Variants in DOK6 observed in about 807,000 individuals in gnomAD.
The protein encoded by DOK6 is downstream of tyrosine kinase 6.
In DOK6, 22 loss-of-function variants were observed where a neutral mutation model predicts 44.0. That is an observed-to-expected ratio of 0.50 (90% CI 0.36 to 0.71). The LOEUF (loss-of-function observed/expected upper bound fraction) is 0.71. Ranked by LOEUF, DOK6 falls within the 30% of genes least tolerant of loss-of-function variation. DOK6 has a pLI of 0.00. For synonymous variants in DOK6, 166 were observed against 145.5 expected, an observed-to-expected ratio of 1.14 and a Z score of -1.01; for missense variants, 340 against 416.4, an observed-to-expected ratio of 0.82 and a Z score of 1.60.
intron 1 of DOK6, among the ~76,000 whole-genome samples, chr18:69,520,117 T>TA (rs1401171799): frequency 2.6e-5 from 4 of 151,814 alleles, no homozygotes. Context: ...TAAGTCACCA[T>TA]AAAAAACTTG....
chr18:69,736,198 T>C (rs932999509), intron 5 of DOK6, among the ~76,000 whole-genome samples: 6 of 152,182 alleles, frequency 3.9e-5, no homozygotes, highest in African/African-American at 1.4e-4. Context: ...TAGGTTATAG[T>C]AGCTACTTGA....
intron 1 of DOK6, among the ~76,000 whole-genome samples, chr18:69,470,307 C>T (rs556409462): frequency 6.6e-6 from 1 of 152,244 alleles, no homozygotes; most frequent in African/African-American, 2.4e-5. Flanking sequence ...CCCAGCCTCA[C>T]GTGACTCTGG....
intron 1 of DOK6, among the ~76,000 whole-genome samples, chr18:69,484,476 G>A (rs569297150): frequency 2.0e-5 from 3 of 152,046 alleles, no homozygotes; most frequent in South Asian, 4.1e-4. Flanking sequence ...TTTTGTATTT[G>A]TTCAATGAAT....
intron 2 of DOK6, among the ~76,000 whole-genome samples, chr18:69,564,876 T>G (rs1242268787): frequency 6.6e-6 from 1 of 152,222 alleles, no homozygotes; most frequent in African/African-American, 2.4e-5. Context: ...GTAGGTATTT[T>G]CTCTCTATTG....
At chr18:69,607,794 C>T (rs1021178771) in intron 3 of DOK6, among the ~76,000 whole-genome samples, 10 of 152,106 alleles carry the variant, frequency 6.6e-5, no homozygotes, top group African/African-American at 1.9e-4. Flanking sequence ...ACAACTGATA[C>T]ATCTGAGCCT....
intron 3 of DOK6, among the ~76,000 whole-genome samples, chr18:69,624,943 A>G (rs1984523331): frequency 6.6e-6 from 1 of 152,122 alleles, no homozygotes; most frequent in Admixed American, 6.5e-5. Context: ...GTTCCTGTAC[A>G]TCCCACTCTA....
chr18:69,727,497 AC>A (rs1978315988), intron 5 of DOK6, among the ~76,000 whole-genome samples: 1 of 152,150 alleles, frequency 6.6e-6, no homozygotes, highest in African/African-American at 2.4e-5. Flanking sequence ...TTCACTCCAT[AC>A]CCCCAAGTGA....
intron 1 of DOK6, among the ~76,000 whole-genome samples, chr18:69,481,109 T>A (rs1390599001): frequency 6.6e-6 from 1 of 152,160 alleles, no homozygotes; most frequent in Non-Finnish European, 1.5e-5. Context: ...GTCAGGCACT[T>A]GGAAGAGAAG....
intron 1 of DOK6, among the ~76,000 whole-genome samples, chr18:69,478,987 T>C (rs1980345005): frequency 6.6e-6 from 1 of 152,200 alleles, no homozygotes; most frequent in Non-Finnish European, 1.5e-5. Context: ...AATTAAGACA[T>C]TTTCAGTATA....
chr18:69,430,777 A>G (rs1978783810), intron 1 of DOK6, among the ~76,000 whole-genome samples: 1 of 152,048 alleles, frequency 6.6e-6, no homozygotes, highest in Non-Finnish European at 1.5e-5. Flanking sequence ...GACCGGCCTG[A>G]TTAACATGGT....
chr18:69,610,357 T>C (rs1599220416), intron 3 of DOK6, among the ~76,000 whole-genome samples: 1 of 152,218 alleles, frequency 6.6e-6, no homozygotes, highest in East Asian at 1.9e-4. Context: ...TCCTTGGGAA[T>C]ATATCTCATA....
intron 1 of DOK6, among the ~76,000 whole-genome samples, chr18:69,420,283 A>G (rs545682023): frequency 3.6e-4 from 55 of 152,158 alleles, no homozygotes; most frequent in African/African-American, 1.2e-3. Flanking sequence ...TTCTTTATGT[A>G]TATATTTGTC....
intron 6 of DOK6, among the ~76,000 whole-genome samples, chr18:69,754,197 G>A (rs979771296): frequency 6.6e-6 from 1 of 151,748 alleles, no homozygotes; most frequent in Non-Finnish European, 1.5e-5. Context: ...TGTCCTCTTT[G>A]TTGAAGCCTG....
At chr18:69,729,576 A>C (rs1411719418) in intron 5 of DOK6, among the ~76,000 whole-genome samples, 2 of 152,184 alleles carry the variant, frequency 1.3e-5, no homozygotes, top group Non-Finnish European at 2.9e-5. Context: ...TTCCATTCCC[A>C]AAATGAGGTA....
intron 7 of DOK6, among the ~76,000 whole-genome samples, chr18:69,817,793 C>T (rs1024914641): frequency 6.6e-6 from 1 of 152,092 alleles, no homozygotes; most frequent in African/African-American, 2.4e-5. Context: ...GGAGTGTAGT[C>T]CAAGATGCCA....
At chr18:69,782,372 C>T (rs893405018) in intron 7 of DOK6, among the ~76,000 whole-genome samples, 8 of 151,722 alleles carry the variant, frequency 5.3e-5, no homozygotes, top group South Asian at 4.2e-4. Context: ...CCACCATGCC[C>T]GGCTAATTTT....
chr18:69,581,158 C>A (rs1983359936), intron 2 of DOK6, among the ~76,000 whole-genome samples: 1 of 152,158 alleles, frequency 6.6e-6, no homozygotes, highest in African/African-American at 2.4e-5. Flanking sequence ...ATGACATGAC[C>A]TAACTTAAGG....
chr18:69,538,776 G>C (rs73452054), intron 1 of DOK6, among the ~76,000 whole-genome samples: 6,126 of 152,070 alleles, frequency 0.04, 113 homozygotes, highest in Middle Eastern at 0.054. Flanking sequence ...TTGTCTTCCT[G>C]AGAATCTCAT....
chr18:69,790,622 T>C (rs1980566057), intron 7 of DOK6, among the ~76,000 whole-genome samples: 1 of 152,176 alleles, frequency 6.6e-6, no homozygotes, highest in Non-Finnish European at 1.5e-5. Flanking sequence ...TGCATTGCTA[T>C]TGGGCTTTTT....
Sources: allele counts gnomAD v4.1 joint callset (sites outside exome capture counted in the v4.1 genomes callset), GRCh38; gene constraint gnomAD v4.1.1; transcripts MANE v1.5; gene names NCBI Gene and HGNC (gene_info 2026-07-23, HGNC 2026-07-21).